The following SNAP91 variants were observed in gnomAD, a reference collection of about 807,000 sequenced individuals.
The protein encoded by SNAP91 is clathrin coat assembly protein AP180.
A neutral mutation model predicts 100.3 loss-of-function variants in SNAP91; 27 were observed. The ratio of observed to expected loss-of-function variants is 0.27; its 90% CI spans 0.20 to 0.37. The LOEUF (loss-of-function observed/expected upper bound fraction) is 0.37. Among genes scored for constraint, SNAP91 ranks in the 10% least tolerant of loss-of-function variants. The pLI, the probability that SNAP91 is intolerant of heterozygous loss-of-function variation, is 1.00. For missense variants in SNAP91, 986 were observed against 1,123.7 expected, an observed-to-expected ratio of 0.88 and a Z score of 1.75; for synonymous variants, 404 against 398.6, an observed-to-expected ratio of 1.01 and a Z score of -0.16.
At chr6:83,601,237 T>C in intron 16 of SNAP91, 34 bp downstream of exon 16, 1 of 1,607,716 alleles carries the variant, frequency 6.2e-7, no homozygotes, top group Non-Finnish European at 8.5e-7. Context: ...TTAGCAATCC[T>C]GAAAAAATGA....
intron 8 of SNAP91, among the ~76,000 whole-genome samples, chr6:83,639,914 A>G (rs1330769686): frequency 6.6e-6 from 1 of 152,178 alleles, no homozygotes; most frequent in Non-Finnish European, 1.5e-5. Context: ...ACCATGGCAA[A>G]ATCATACCAA....
chr6:83,663,763 T>G (rs957462390), intron 3 of SNAP91, among the ~76,000 whole-genome samples: 3 of 152,144 alleles, frequency 2.0e-5, no homozygotes, highest in Non-Finnish European at 4.4e-5. Flanking sequence ...TTCATGAAGG[T>G]GGCTACATGA....
intron 2 of SNAP91, among the ~76,000 whole-genome samples, chr6:83,696,983 C>T (rs1042875713): frequency 1.3e-5 from 2 of 151,978 alleles, no homozygotes; most frequent in Admixed American, 1.3e-4. Flanking sequence ...CTAATTTTTC[C>T]AAGTAGGTCA....
intron 9 of SNAP91, among the ~76,000 whole-genome samples, chr6:83,622,150 G>T (rs1236823034): frequency 2.6e-5 from 4 of 151,890 alleles, no homozygotes; most frequent in East Asian, 3.9e-4. Context: ...TCTCATAGTA[G>T]CAGAAATATT....
chr6:83,589,461 GC>G (rs2093397526), intron 22 of SNAP91, among the ~76,000 whole-genome samples: 3 of 152,084 alleles, frequency 2.0e-5, no homozygotes, highest in Non-Finnish European at 4.4e-5. Context: ...TGAAAAATTA[GC>G]CCCCAAAATT....
rs1180303956 is a variant in SNAP91, at chr6:83,560,889, C to A, written c.2501G>T (p.Gly834Val). The A allele has an allele frequency of 2.5e-6, 4 of 1,613,682 alleles. No homozygotes were observed. The highest frequency in any genetic ancestry group is 3.4e-6 in the Non-Finnish European group (4 of 1,179,816). The change falls in exon 27 of 30, where the codon GGA becomes GTA. Residue 834 changes from glycine to valine, a missense_variant. Gly to Val is a moderately radical substitution (Grantham distance 109, BLOSUM62 -3). Around this residue, in one of 4 missense-constraint regions of SNAP91, gnomAD observed 575 missense variants for 579.9 expected, o/e 0.99. Transcript: ENST00000369694. ...CATTCCAAATCCTGCTCCAGGTTGT[C>A]CAACCGATGGGGCCCCGGCAACAGG... Reference protein sequence around the residue: ...VPPVAGAPSVGQPGAGFGMPP... With the variant: ...VPPVAGAPSVVQPGAGFGMPP...
At chr6:83,577,648 A>G (rs1328813875) in intron 24 of SNAP91, among the ~76,000 whole-genome samples, 4 of 152,188 alleles carry the variant, frequency 2.6e-5, no homozygotes, top group Admixed American at 2.6e-4. Flanking sequence ...AAGGGAAGAG[A>G]GGAAACTGTG....
Position 83,667,863 on chromosome 6 carries a change from CA to C in SNAP91, c.131-2283del, listed in dbSNP as rs374650950. On this transcript the variant is annotated intron_variant, in intron 2 of 29. Transcript: ENST00000369694. ...ATTAAACTAAAGAGCTTCTGCACAGCAAAAGAAACTACCATCAGAGTGGACA... is the reference window on the plus strand; with the variant it reads ...ATTAAACTAAAGAGCTTCTGCACAGCAAAGAAACTACCATCAGAGTGGACA... 1.6e-3 allele frequency among the ~76,000 whole-genome samples: 240 copies of C among 152,166 alleles called. 5 individuals carry two copies. In the East Asian group the frequency reaches 0.036, roughly 23 times the overall value.
Position 83,605,695 on chromosome 6 carries a change from A to C in SNAP91, c.1131T>G (p.Thr377=). 2 of 1,552,126 alleles carry C rather than the reference A, an allele frequency of 1.3e-6. No individual in the cohort carries two copies. Among genetic ancestry groups the C allele is most frequent in the Non-Finnish European group, 1.7e-6 (2 of 1,147,290 alleles). ...TCTGGTTTTACTCACCTCCCCATGC[A>C]GTGGCTCCTCCAGCAGGTGGTGGTG... is the stretch of plus-strand genomic sequence containing the variant. The part of the protein sequence containing the change: ...PAPPPPAGGA[T]AWGDLLGEDS... The change falls in exon 14 of 30, where the codon ACT becomes ACG. Residue 377 remains threonine, a synonymous_variant. Coordinates refer to ENST00000369694, the MANE Select transcript of SNAP91 (RefSeq NM_001242792.2).
At chr6:83,566,207 G>C (rs1584226998) in intron 26 of SNAP91, among the ~76,000 whole-genome samples, 1 of 152,216 alleles carries the variant, frequency 6.6e-6, no homozygotes, top group East Asian at 1.9e-4. Context: ...CTAAGGGTAA[G>C]GGGAAATTGA....
chr6:83,635,053 C>T (rs192370796), intron 8 of SNAP91, among the ~76,000 whole-genome samples: 1 of 152,180 alleles, frequency 6.6e-6, no homozygotes, highest in Admixed American at 6.5e-5. Flanking sequence ...TGCTTTATGG[C>T]TGAGCATGTG....
At chr6:83,656,135 C>T (rs2098399094) in intron 7 of SNAP91, among the ~76,000 whole-genome samples, 2 of 152,130 alleles carry the variant, frequency 1.3e-5, no homozygotes, top group Admixed American at 6.5e-5. Context: ...TGATAAGGTA[C>T]TTGAAAAAAA....
intron 22 of SNAP91, among the ~76,000 whole-genome samples, chr6:83,587,137 G>A (rs2092814399): frequency 1.3e-5 from 2 of 151,936 alleles, no homozygotes; most frequent in Non-Finnish European, 2.9e-5. Context: ...CAAAGCTTTC[G>A]CCTCAATTTT....
At chr6:83,610,565 A>G in intron 12 of SNAP91, 85 bp downstream of exon 12, 1 of 471,248 alleles carries the variant, frequency 2.1e-6, no homozygotes, top group South Asian at 5.0e-5. Flanking sequence ...GTTAAGGTAT[A>G]TAATGCCACT....
At chr6:83,621,953 C>T (rs577531928) in intron 9 of SNAP91, among the ~76,000 whole-genome samples, 1 of 152,042 alleles carries the variant, frequency 6.6e-6, no homozygotes, top group Admixed American at 6.5e-5. Context: ...ATAAATTTTA[C>T]TAAAAATGAT....
At chr6:83,632,984 T>C (rs537956144) in intron 8 of SNAP91, among the ~76,000 whole-genome samples, 4 of 152,326 alleles carry the variant, frequency 2.6e-5, no homozygotes, top group Middle Eastern at 3.4e-3. Context: ...TCAGAGTTGG[T>C]TTTCTGGTTC....
intron 25 of SNAP91, chr6:83,575,708 T>C (rs1817556609): frequency 3.6e-6 from 1 of 277,942 alleles, no homozygotes. Flanking sequence ...TCATGTTAGC[T>C]AGAACTATGG....
intron 2 of SNAP91, among the ~76,000 whole-genome samples, chr6:83,705,786 C>T (rs1337115760): frequency 6.6e-6 from 1 of 150,882 alleles, no homozygotes; most frequent in East Asian, 1.9e-4. Context: ...GCCTGGGTGA[C>T]AGAGTGAGAC....
intron 9 of SNAP91, among the ~76,000 whole-genome samples, chr6:83,618,157 C>A (rs911119036): frequency 6.6e-6 from 1 of 151,666 alleles, no homozygotes; most frequent in African/African-American, 2.4e-5. Context: ...TTTCATTTCA[C>A]TAATAGACTC....
Sources: allele counts gnomAD v4.1 joint callset (sites outside exome capture counted in the v4.1 genomes callset), GRCh38; gene constraint gnomAD v4.1.1; regional missense constraint gnomAD v4.1.1; transcripts MANE v1.5; gene names NCBI Gene and HGNC (gene_info 2026-07-23, HGNC 2026-07-21).